The following L3MBTL4 variants were observed in gnomAD, a reference collection of about 807,000 sequenced individuals.
L3MBTL4 encodes L3MBTL histone methyl-lysine binding protein 4.
A neutral mutation model predicts 84.5 loss-of-function variants in L3MBTL4; 70 were observed. That is an observed-to-expected ratio of 0.83 (90% CI 0.68 to 1.01). The LOEUF (loss-of-function observed/expected upper bound fraction) is 1.01. L3MBTL4 is among the 50% of genes least tolerant of loss of function. The probability of loss-of-function intolerance (pLI) is 0.00; values close to 1 mark genes in which losing one functional copy is unlikely to be tolerated. For synonymous variants in L3MBTL4, 274 were observed against 259.8 expected (o/e 1.05, Z -0.52); for missense variants, 715 against 754.8 (o/e 0.95, Z 0.62).
chr18:6,061,962 A>G (rs2145893352), intron 16 of L3MBTL4, among the ~76,000 whole-genome samples: 2 of 151,930 alleles, frequency 1.3e-5, no homozygotes, highest in Middle Eastern at 3.4e-3. Flanking sequence ...CATAAGCTAT[A>G]CTCACCTAAT....
intron 1 of L3MBTL4, among the ~76,000 whole-genome samples, chr18:6,345,952 T>C (rs2052877393): frequency 6.8e-6 from 1 of 146,646 alleles, no homozygotes; most frequent in African/African-American, 2.6e-5. Context: ...TCATAAAGTA[T>C]GGTAGTAGCA....
At chr18:6,029,892 C>T in intron 16 of L3MBTL4, 4 of 985,322 alleles carry the variant, frequency 4.1e-6, no homozygotes, top group Non-Finnish European at 4.8e-6. Context: ...TGTAGATTCT[C>T]ACAAGCATGA....
At chr18:6,375,704 A>ATCCTG (rs1390493377) in intron 1 of L3MBTL4, among the ~76,000 whole-genome samples, 1 of 152,134 alleles carries the variant, frequency 6.6e-6, no homozygotes, top group African/African-American at 2.4e-5. Context: ...ACAATGGCTT[A>ATCCTG]ACTGCAACAG....
chr18:6,274,903 T>G (rs1471525680), intron 4 of L3MBTL4, among the ~76,000 whole-genome samples: 2 of 152,120 alleles, frequency 1.3e-5, no homozygotes, highest in Non-Finnish European at 2.9e-5. Flanking sequence ...GGACAATCAA[T>G]GACATGAGAA....
chr18:6,105,320 A>G (rs2058967944), intron 14 of L3MBTL4, among the ~76,000 whole-genome samples: 1 of 150,990 alleles, frequency 6.6e-6, no homozygotes, highest in South Asian at 2.1e-4. Flanking sequence ...CCTCCCAAGT[A>G]GCAGGATTAC....
At chr18:6,205,598 TA>T (rs1221110783) in intron 12 of L3MBTL4, among the ~76,000 whole-genome samples, 9 of 152,182 alleles carry the variant, frequency 5.9e-5, no homozygotes, top group Non-Finnish European at 2.9e-5. Flanking sequence ...ATTAATCTTG[TA>T]TAAAAATCTA....
intron 16 of L3MBTL4, among the ~76,000 whole-genome samples, chr18:6,053,415 T>C (rs1209343350): frequency 4.6e-5 from 7 of 152,074 alleles, no homozygotes; most frequent in African/African-American, 1.7e-4. Flanking sequence ...CCTAACGAAA[T>C]GGATACAGGA....
chr18:6,165,935 C>G (rs1006896939), intron 13 of L3MBTL4, among the ~76,000 whole-genome samples: 1 of 151,998 alleles, frequency 6.6e-6, no homozygotes. Flanking sequence ...TCAGGAAACC[C>G]ATCTCACGTG....
At chr18:6,109,181 T>C (rs2059111587) in intron 14 of L3MBTL4, among the ~76,000 whole-genome samples, 1 of 152,208 alleles carries the variant, frequency 6.6e-6, no homozygotes, top group Admixed American at 6.5e-5. Context: ...ATAGATCACA[T>C]GATCTTTTCT....
At chr18:6,284,982 T>A (rs755125102) in intron 4 of L3MBTL4, among the ~76,000 whole-genome samples, 6 of 152,194 alleles carry the variant, frequency 3.9e-5, no homozygotes, top group Non-Finnish European at 7.4e-5. Flanking sequence ...GGGGCGGGAA[T>A]GAACCCTAAA....
intron 10 of L3MBTL4, among the ~76,000 whole-genome samples, chr18:6,233,873 A>G (rs919125002): frequency 1.3e-4 from 20 of 152,314 alleles, no homozygotes; most frequent in Admixed American, 1.1e-3. Flanking sequence ...ATCCTAAGCC[A>G]AAAGAACAAA....
chr18:6,174,145 TAA>T (rs139680614), intron 12 of L3MBTL4, among the ~76,000 whole-genome samples: 18 of 135,058 alleles, frequency 1.3e-4, no homozygotes, highest in African/African-American at 3.7e-4. Context: ...ACTCTACTCT[TAA>T]AAAAAAAAAA....
At chr18:6,101,539 G>A (rs2058828262) in intron 14 of L3MBTL4, among the ~76,000 whole-genome samples, 1 of 152,130 alleles carries the variant, frequency 6.6e-6, no homozygotes, top group African/African-American at 2.4e-5. Context: ...ACCCACGAAG[G>A]ACTGTGGTAA....
chr18:5,960,906 C>G (rs1347409844), intron 17 of L3MBTL4: 1 of 152,116 alleles, frequency 6.6e-6, no homozygotes, highest in East Asian at 1.9e-4. Flanking sequence ...CTGAGTGTTC[C>G]TAATAGATAC....
chr18:6,102,115 C>A (rs1179147866), intron 14 of L3MBTL4, among the ~76,000 whole-genome samples: 1 of 152,174 alleles, frequency 6.6e-6, no homozygotes, highest in Non-Finnish European at 1.5e-5. Context: ...AACTAAATTT[C>A]TTAAAATCAG....
intron 14 of L3MBTL4, among the ~76,000 whole-genome samples, chr18:6,094,901 T>C (rs920042895): frequency 6.6e-6 from 1 of 152,186 alleles, no homozygotes; most frequent in African/African-American, 2.4e-5. Context: ...CAACCTTTGC[T>C]ACAGAGAGAA....
intron 14 of L3MBTL4, among the ~76,000 whole-genome samples, chr18:6,103,148 G>A (rs1021571931): frequency 6.6e-6 from 1 of 152,160 alleles, no homozygotes; most frequent in African/African-American, 2.4e-5. Context: ...CTGATGAATA[G>A]AATCTGCAGT....
intron 16 of L3MBTL4, among the ~76,000 whole-genome samples, chr18:5,976,464 G>A (rs1039094841): frequency 1.3e-5 from 2 of 152,314 alleles, no homozygotes; most frequent in African/African-American, 2.4e-5. Flanking sequence ...CTGGGTGCAG[G>A]AAGAGGCTGG....
chr18:6,125,028 T>A (rs1452655855), intron 14 of L3MBTL4, among the ~76,000 whole-genome samples: 1 of 152,196 alleles, frequency 6.6e-6, no homozygotes, highest in Non-Finnish European at 1.5e-5. Context: ...TATTCTCTAA[T>A]GACTTTGATA....
Sources: allele counts gnomAD v4.1 joint callset (sites outside exome capture counted in the v4.1 genomes callset), GRCh38; gene constraint gnomAD v4.1.1; transcripts MANE v1.5; gene names NCBI Gene and HGNC (gene_info 2026-07-23, HGNC 2026-07-21).